Variants in DNAH11 observed in about 807,000 individuals in gnomAD.
The protein encoded by DNAH11 is dynein axonemal heavy chain 11.
In DNAH11, 442 loss-of-function variants were observed where a neutral mutation model predicts 526.0. The ratio of observed to expected loss-of-function variants is 0.84; its 90% CI spans 0.78 to 0.91. The LOEUF (loss-of-function observed/expected upper bound fraction) is 0.91, where lower values mean the gene tolerates loss of function less well. DNAH11 is among the 40% of genes least tolerant of loss of function. DNAH11 has a pLI of 0.00. For synonymous variants in DNAH11, 2,461 were observed against 1,935.9 expected, an observed-to-expected ratio of 1.27 and a Z score of -7.12; for missense variants, 6,989 against 5,448.7, an observed-to-expected ratio of 1.28 and a Z score of -8.90.
At chr7:21,760,329 C>G (rs1278807540) in intron 54 of DNAH11, among the ~76,000 whole-genome samples, 2 of 152,174 alleles carry the variant, frequency 1.3e-5, no homozygotes, top group Non-Finnish European at 2.9e-5. Context: ...ACAACCTGCT[C>G]TATAGATGAG....
intron 8 of DNAH11, among the ~76,000 whole-genome samples, chr7:21,580,700 A>T (rs1784276079): frequency 6.6e-6 from 1 of 152,156 alleles, no homozygotes; most frequent in South Asian, 2.1e-4. Flanking sequence ...GGCCTCTTTT[A>T]TATGGGCACT....
intron 14 of DNAH11, among the ~76,000 whole-genome samples, chr7:21,595,004 G>A (rs1343918497): frequency 1.3e-5 from 2 of 152,176 alleles, no homozygotes; most frequent in South Asian, 2.1e-4. Flanking sequence ...GAGGCAGGCC[G>A]ACCTGGTAGG....
At chr7:21,789,825 T>TTTCTTCTTTCTTTCTTTCTTTCC (rs1788385409) in intron 61 of DNAH11, among the ~76,000 whole-genome samples, 1 of 116,074 alleles carries the variant, frequency 8.6e-6, no homozygotes, top group African/African-American at 3.1e-5. Flanking sequence ...TCTTTCTTTC[T>TTTCTTCTTTCTTTCTTTCTTTCC]TTCTTTCTTT....
rs368278745 is a variant in DNAH11 at position 21,707,725 on chromosome 7, T to C, written c.6573T>C (p.Tyr2191=). The stretch of plus-strand genomic sequence containing the variant: ...TTTTGAGAACACTGAACCGAACATA[T>C]GTTAACATGAAACAGAAGCCGGTTT... ...SKILRTLNRT[Y]VNMKQKPVWN... is the part of the protein sequence containing the mutation. Residue 2191 remains tyrosine (Y), a synonymous_variant, in exon 40 of 82, where the codon TAT becomes TAC. Coordinates refer to ENST00000409508, the MANE Select transcript of DNAH11 (RefSeq NM_001277115.2). The C allele has an allele frequency of 2.1e-5, 34 of 1,613,374 alleles. No individual in the cohort carries two copies. The highest frequency in any genetic ancestry group is 4.0e-5 in the African/African-American group (3 of 74,922).
chr7:21,863,691 T>A lies in DNAH11; in HGVS notation c.11374-844T>A, dbSNP rs114978905. 8.1e-3 allele frequency among the ~76,000 whole-genome samples: 1,232 copies of A among 152,286 alleles called. 25 individuals are homozygous for A. Among genetic ancestry groups the A allele is most frequent in the African/African-American group, 0.028 (1,178 of 41,544 alleles). On this transcript the variant is annotated intron_variant, in intron 69 of 81. Coordinates refer to ENST00000409508, the MANE Select transcript of DNAH11 (RefSeq NM_001277115.2). ...ATGACATGAACATCTATTTAAAACT[T>A]CCCCTTGGAAGCCATAGCTATATCA... is the stretch of plus-strand genomic sequence containing the variant.
intron 28 of DNAH11, among the ~76,000 whole-genome samples, chr7:21,649,965 A>G (rs1027445079): frequency 4.6e-5 from 7 of 152,064 alleles, no homozygotes; most frequent in Non-Finnish European, 2.9e-5. Context: ...ATGCCCAGCG[A>G]CTATTCTATT....
At chr7:21,688,660 C>T (rs1472009728) in intron 34 of DNAH11, among the ~76,000 whole-genome samples, 1 of 152,224 alleles carries the variant, frequency 6.6e-6, no homozygotes, top group Non-Finnish European at 1.5e-5. Context: ...CTTCCACCAA[C>T]TCCTTCTTTG....
At chr7:21,693,702 T>C (rs912769449) in intron 35 of DNAH11, among the ~76,000 whole-genome samples, 3 of 152,212 alleles carry the variant, frequency 2.0e-5, no homozygotes, top group African/African-American at 7.2e-5. Context: ...TTTAAATCTT[T>C]TAAGGAACTT....
rs771158215 is a variant in DNAH11, at chr7:21,765,502, C to G, written c.9015C>G (p.Cys3005Trp). ...RARKFPAIVN[C>W]TAIDWFHAWP... Reference sequence around the variant, plus strand: ...GGAAGTTCCCAGCCATAGTTAACTGCACGGCTATTGACTGGTTTCATGCGT... The same window carrying G: ...GGAAGTTCCCAGCCATAGTTAACTGGACGGCTATTGACTGGTTTCATGCGT... The change falls in exon 55 of 82, where the codon TGC becomes TGG. Residue 3005 changes from cysteine to tryptophan, a missense_variant. By Grantham distance (215) the Cys-to-Trp change is radical. Coordinates refer to ENST00000409508, the MANE Select transcript of DNAH11 (RefSeq NM_001277115.2). 1 of 1,613,902 alleles carries G rather than the reference C, an allele frequency of 6.2e-7. No homozygotes were observed. Among genetic ancestry groups the G allele is most frequent in the Non-Finnish European group, 8.5e-7 (1 of 1,179,820 alleles).
At chr7:21,748,885 G>C (rs956968871) in intron 52 of DNAH11, 143 bp downstream of exon 52, 1 of 752,308 alleles carries the variant, frequency 1.3e-6, no homozygotes, top group Non-Finnish European at 2.0e-6. Flanking sequence ...CTTTAAAGCA[G>C]TAATTGACCT....
At chr7:21,709,407 C>T (rs1200409525) in intron 40 of DNAH11, among the ~76,000 whole-genome samples, 1 of 152,086 alleles carries the variant, frequency 6.6e-6, no homozygotes, top group East Asian at 1.9e-4. Flanking sequence ...GAGCCATTGA[C>T]ACTGAGGCCT....
Position 21,681,650 on chromosome 7 carries a change from C to A in DNAH11, c.5433C>A (p.Asp1811Glu), listed in dbSNP as rs761154725. ...TICTIDVHAR[D>E]VVAKLISQKV... ...GTACCATAGATGTCCATGCCAGAGACGTGGTGGCAAAACTTATTTCTCAGA... is the reference window on the plus strand; with the variant it reads ...GTACCATAGATGTCCATGCCAGAGAAGTGGTGGCAAAACTTATTTCTCAGA... Residue 1811 changes from aspartate (D) to glutamate (E), a missense_variant, in exon 31 of 82, where the codon GAC (aspartate) becomes GAA (glutamate). Coordinates refer to ENST00000409508, the MANE Select transcript of DNAH11 (RefSeq NM_001277115.2). The A allele has an allele frequency of 1.4e-5, 23 of 1,613,740 alleles. No homozygotes were observed. The highest frequency in any genetic ancestry group is 1.9e-5 in the Non-Finnish European group (22 of 1,179,834).
At chr7:21,719,053 T>C (rs1784779381) in intron 43 of DNAH11, among the ~76,000 whole-genome samples, 1 of 152,216 alleles carries the variant, frequency 6.6e-6, no homozygotes, top group Non-Finnish European at 1.5e-5. Flanking sequence ...ACTTGTGTAT[T>C]TGTGTGATTC....
At chr7:21,624,563 C>G (rs1786243066) in intron 25 of DNAH11, among the ~76,000 whole-genome samples, 1 of 152,112 alleles carries the variant, frequency 6.6e-6, no homozygotes, top group South Asian at 2.1e-4. Flanking sequence ...TGTCTAGTTG[C>G]TCTGGCTAGA....
chr7:21,585,700 A>G (rs774212525), intron 9 of DNAH11, among the ~76,000 whole-genome samples: 2 of 152,212 alleles, frequency 1.3e-5, no homozygotes, highest in African/African-American at 2.4e-5. Context: ...TGTGAAGTGT[A>G]TATGGTTTAG....
Position 21,894,744 on chromosome 7 carries a change from G to C in DNAH11, c.12872G>C (p.Arg4291Thr), listed in dbSNP as rs756100085. 1 of 1,612,630 alleles carries C rather than the reference G, an allele frequency of 6.2e-7. No individual in the cohort carries two copies. The highest frequency in any genetic ancestry group is 1.7e-5 in the Admixed American group (1 of 59,716). ...YVLVCFQECE[R>T]MNILIREIRI... ...CTTGTTTGCTTCCAAGAATGTGAGA[G>C]GATGAATATTCTCATTCGGGAAATA... is the stretch of plus-strand genomic sequence containing the variant. Residue 4291 changes from arginine to threonine, a missense_variant, in exon 78 of 82, where the codon AGG becomes ACG. Physicochemically the swap from Arg to Thr is moderately conservative, Grantham distance 71. Coordinates refer to ENST00000409508, the MANE Select transcript of DNAH11 (RefSeq NM_001277115.2).
intron 66 of DNAH11, among the ~76,000 whole-genome samples, chr7:21,849,001 T>G (rs1782524847): frequency 6.6e-6 from 1 of 152,206 alleles, no homozygotes; most frequent in South Asian, 2.1e-4. Context: ...TTCTCCTGCC[T>G]CAGCCTCCCG....
chr7:21,857,535 A>T (rs202183950), intron 68 of DNAH11, among the ~76,000 whole-genome samples: 36 of 30,010 alleles, frequency 1.2e-3, no homozygotes, highest in African/African-American at 2.4e-3. Context: ...TTTGAAAAAG[A>T]AAAAAAAAAA....
chr7:21,571,952 C>A lies in DNAH11; in HGVS notation c.1572C>A (p.Asp524Glu), dbSNP rs747607035. ...LCKLFKQSTY[D>E]PSDCTNMEFE... is the part of the protein sequence containing the mutation. ...AACTTTTTAAACAGAGCACTTATGA[C>A]CCATCTGATTGCACTAACATGGTAA... Residue 524 changes from aspartate to glutamate, a missense_variant, in exon 8 of 82, where the codon GAC becomes GAA. Transcript: ENST00000409508. 1 of 1,582,318 alleles carries A rather than the reference C, an allele frequency of 6.3e-7. No individual in the cohort carries two copies. The highest frequency in any genetic ancestry group is 8.6e-7 in the Non-Finnish European group (1 of 1,167,446).
Sources: gnomAD v4.1 joint callset for allele counts (sites outside exome capture counted in the v4.1 genomes callset) on GRCh38, gnomAD v4.1.1 for gene constraint, MANE v1.5 for transcripts, NCBI Gene and HGNC (gene_info 2026-07-23, HGNC 2026-07-21) for gene names.